Variants in TMOD3 observed in about 807,000 individuals in gnomAD.
The protein encoded by TMOD3 is tropomodulin 3, also known as tropomodulin-3.
In TMOD3, 20 loss-of-function variants were observed where a neutral mutation model predicts 39.2. The ratio of observed to expected loss-of-function variants is 0.51; its 90% CI spans 0.36 to 0.74. TMOD3 has a LOEUF of 0.74. Ranked by LOEUF, TMOD3 falls within the 30% of genes least tolerant of loss-of-function variation. The pLI, the probability that TMOD3 is intolerant of heterozygous loss-of-function variation, is 0.00. For synonymous variants in TMOD3, 143 were observed against 145.8 expected (o/e 0.98, Z 0.14); for missense variants, 381 against 412.8 (o/e 0.92, Z 0.67).
intron 5 of TMOD3, chr15:51,892,268 A>G (rs1430276199): frequency 6.6e-6 from 1 of 152,136 alleles, no homozygotes; most frequent in East Asian, 1.9e-4. Context: ...GTGCTCATTC[A>G]TTAGTTTGTG....
chr15:51,860,990 C>G (rs1211062178), intron 1 of TMOD3: 4 of 582,584 alleles, frequency 6.9e-6, no homozygotes, highest in Admixed American at 2.2e-5. Context: ...CGTCTTTCCT[C>G]TTTGCTGAGG....
chr15:51,911,172 A>T lies in TMOD3; in HGVS notation c.*2362A>T, dbSNP rs1017362869. On this transcript the variant is annotated 3_prime_UTR_variant, in exon 10 of 10. Transcript: ENST00000308580. ...TGTCCTGTAAGTCAATTAGTTGATA[A>T]ATAGTTCCCCCTTCATCCCTTAAGT... 3.9e-5 allele frequency: 6 copies of T among 152,164 alleles called. No individual in the cohort carries two copies. Among genetic ancestry groups the T allele is most frequent in the Non-Finnish European group, 5.9e-5 (4 of 68,036 alleles). The allele number at this position is 152,164 out of a possible 1,614,324, so 9.4% of individuals were successfully genotyped here. A position where few individuals can be genotyped will look rare whatever the true frequency, so the allele number is the denominator to read the frequency against.
intron 4 of TMOD3, among the ~76,000 whole-genome samples, chr15:51,888,571 G>A (rs1461423636): frequency 2.0e-5 from 3 of 152,108 alleles, no homozygotes; most frequent in Non-Finnish European, 4.4e-5. Flanking sequence ...AAGGGTGTTC[G>A]TATTCTTACA....
At chr15:51,881,548 T>C (rs1383036324) in intron 3 of TMOD3, among the ~76,000 whole-genome samples, 3 of 144,824 alleles carry the variant, frequency 2.1e-5, no homozygotes, top group African/African-American at 5.3e-5. Flanking sequence ...CTTTCTTTAT[T>C]TCTTTTTTTT....
At chr15:51,838,903 A>G (rs752527553) in intron 1 of TMOD3, among the ~76,000 whole-genome samples, 1 of 152,114 alleles carries the variant, frequency 6.6e-6, no homozygotes, top group Non-Finnish European at 1.5e-5. Context: ...GAAGAATTGA[A>G]TTTGATCCGT....
chr15:51,891,976 A>C (rs535244128), intron 5 of TMOD3, among the ~76,000 whole-genome samples: 23 of 152,326 alleles, frequency 1.5e-4, no homozygotes, highest in African/African-American at 5.5e-4. Context: ...AACTTCTTTT[A>C]ATAGGTACTT....
chr15:51,885,818 G>C (rs887988138), intron 3 of TMOD3, among the ~76,000 whole-genome samples: 1 of 152,138 alleles, frequency 6.6e-6, no homozygotes, highest in African/African-American at 2.4e-5. Flanking sequence ...CCTCCCAGAC[G>C]GGGTGGCGGC....
intron 1 of TMOD3, among the ~76,000 whole-genome samples, chr15:51,831,100 T>G (rs948313679): frequency 2.0e-5 from 3 of 152,214 alleles, no homozygotes; most frequent in Non-Finnish European, 2.9e-5. Context: ...AGTTCATTTA[T>G]TTTGCTCATT....
At chr15:51,872,989 G>A (rs2056483673) in intron 3 of TMOD3, among the ~76,000 whole-genome samples, 2 of 152,134 alleles carry the variant, frequency 1.3e-5, no homozygotes, top group Non-Finnish European at 1.5e-5. Context: ...CCTGAAGGAG[G>A]GCAAATTCCT....
chr15:51,865,482 A>G (rs1259952677), intron 2 of TMOD3, among the ~76,000 whole-genome samples: 1 of 152,130 alleles, frequency 6.6e-6, no homozygotes, highest in Non-Finnish European at 1.5e-5. Flanking sequence ...CTCATGCACT[A>G]TGGTATCAGT....
chr15:51,900,554 G>T (rs1014773391), intron 8 of TMOD3, among the ~76,000 whole-genome samples: 2 of 152,150 alleles, frequency 1.3e-5, no homozygotes, highest in Non-Finnish European at 2.9e-5. Flanking sequence ...GAACTGAGAG[G>T]ACTCTTACAT....
At chr15:51,858,911 C>T (rs1384497464) in intron 1 of TMOD3, among the ~76,000 whole-genome samples, 1 of 152,164 alleles carries the variant, frequency 6.6e-6, no homozygotes, top group Non-Finnish European at 1.5e-5. Context: ...GTGTCCTGCG[C>T]CTATAATCCC....
chr15:51,879,212 C>A (rs62016192), intron 3 of TMOD3, among the ~76,000 whole-genome samples: 54,594 of 151,926 alleles, frequency 0.36, 10,296 homozygotes, highest in Admixed American at 0.43. Context: ...TCAATGTCTT[C>A]CATTTCCTTA....
At chr15:51,879,888 A>ACACG (rs922839640) in intron 3 of TMOD3, among the ~76,000 whole-genome samples, 1 of 151,534 alleles carries the variant, frequency 6.6e-6, no homozygotes, top group Non-Finnish European at 1.5e-5. Flanking sequence ...ACACACACAC[A>ACACG]CGAAGAAGAA....
chr15:51,876,461 G>A (rs1018226018), intron 3 of TMOD3, among the ~76,000 whole-genome samples: 9 of 138,374 alleles, frequency 6.5e-5, no homozygotes, highest in Admixed American at 5.5e-4. Context: ...AGTGCACCCA[G>A]CGCTTTTTTT....
Position 51,913,529 on chromosome 15 carries a change from T to C in TMOD3, c.*4719T>C, listed in dbSNP as rs186234410. ...AACCTGTATTGATTTTTCTCCACTA[T>C]AATTCAGTTCTATAAGTTCTTCCCT... On this transcript the variant is annotated 3_prime_UTR_variant, in exon 10 of 10. Coordinates refer to ENST00000308580, the MANE Select transcript of TMOD3 (RefSeq NM_014547.5). 3.3e-4 allele frequency: 50 copies of C among 152,174 alleles called. No individual in the cohort carries two copies. The highest frequency in any genetic ancestry group is 9.2e-4 in the Admixed American group (14 of 15,300). The allele number at this position is 152,174 out of a possible 1,614,324, so 9.4% of individuals were successfully genotyped here. A position where few individuals can be genotyped will look rare whatever the true frequency, so the allele number is the denominator to read the frequency against.
chr15:51,890,009 C>G (rs1013693594), intron 5 of TMOD3, among the ~76,000 whole-genome samples: 4 of 152,138 alleles, frequency 2.6e-5, no homozygotes, highest in Non-Finnish European at 4.4e-5. Context: ...TCCCCAAACA[C>G]CACCTACCCT....
At chr15:51,881,298 T>C (rs1250863570) in intron 3 of TMOD3, among the ~76,000 whole-genome samples, 1 of 152,088 alleles carries the variant, frequency 6.6e-6, no homozygotes, top group Non-Finnish European at 1.5e-5. Flanking sequence ...GGTTGTCCTT[T>C]TATTATTGAT....
At chr15:51,875,725 C>T (rs894131139) in intron 3 of TMOD3, among the ~76,000 whole-genome samples, 9 of 150,858 alleles carry the variant, frequency 6.0e-5, no homozygotes, top group African/African-American at 1.7e-4. Context: ...ATGCCATTCA[C>T]CTGCCTCAGC....
Sources: gnomAD v4.1 joint callset for allele counts (sites outside exome capture counted in the v4.1 genomes callset) on GRCh38, gnomAD v4.1.1 for gene constraint, MANE v1.5 for transcripts, NCBI Gene and HGNC (gene_info 2026-07-23, HGNC 2026-07-21) for gene names.